The following SLC8A1 variants were observed in gnomAD, a reference collection of about 807,000 sequenced individuals.
SLC8A1 encodes the protein solute carrier family 8 member A1, also known as sodium/calcium exchanger 1.
In SLC8A1, 18 loss-of-function variants were observed where a neutral mutation model predicts 68.3. The observed-to-expected ratio is 0.26, with a 90% CI of 0.18 to 0.39. The LOEUF (loss-of-function observed/expected upper bound fraction) is 0.39, where lower values mean the gene tolerates loss of function less well. Among genes scored for constraint, SLC8A1 ranks in the 10% least tolerant of loss-of-function variants. The pLI is 1.00. For missense variants in SLC8A1, 985 were observed against 1,156.7 expected (o/e 0.85, Z 2.15); for synonymous variants, 475 against 415.5 (o/e 1.14, Z -1.74).
chr2:40,420,241 T>C (rs1345357618), intron 2 of SLC8A1, among the ~76,000 whole-genome samples: 1 of 152,106 alleles, frequency 6.6e-6, no homozygotes, highest in Admixed American at 6.6e-5. Context: ...ATTCTTACTA[T>C]TAACCACCTC....
intron 1 of SLC8A1, among the ~76,000 whole-genome samples, chr2:40,501,651 A>G (rs1374917739): frequency 6.6e-6 from 1 of 152,086 alleles, no homozygotes; most frequent in Non-Finnish European, 1.5e-5. Flanking sequence ...AAATATACTA[A>G]GGAAGATAAA....
chr2:40,351,832 T>C (rs550122936), intron 2 of SLC8A1, among the ~76,000 whole-genome samples: 130 of 152,250 alleles, frequency 8.5e-4, no homozygotes, highest in African/African-American at 3.0e-3. Flanking sequence ...ACCAACAAAT[T>C]GAAGGGACTC....
exon 8 of SLC8A1, chr2:40,106,462 A>G (rs2034205651): frequency 2.0e-5 from 3 of 151,884 alleles, no homozygotes. Flanking sequence ...TTGATAAGAA[A>G]GGTTCTCATA....
At chr2:40,273,864 CT>C (rs200112318) in intron 2 of SLC8A1, among the ~76,000 whole-genome samples, 23,220 of 136,590 alleles carry the variant, frequency 0.17, 2,209 homozygotes, top group Non-Finnish European at 0.24. Flanking sequence ...ATGCCAAGTC[CT>C]TTTTTTTTTT....
intron 1 of SLC8A1, among the ~76,000 whole-genome samples, chr2:40,444,929 T>G (rs1701167693): frequency 6.6e-6 from 1 of 152,202 alleles, no homozygotes. Flanking sequence ...CCATTTTGCG[T>G]GTACTTATCT....
At chr2:40,387,410 C>T (rs979875494) in intron 2 of SLC8A1, among the ~76,000 whole-genome samples, 2 of 151,268 alleles carry the variant, frequency 1.3e-5, no homozygotes, top group African/African-American at 2.5e-5. Context: ...AATGAACTGG[C>T]TAAAGTTTCC....
At chr2:40,319,882 A>C (rs1173121811) in intron 2 of SLC8A1, among the ~76,000 whole-genome samples, 11 of 152,096 alleles carry the variant, frequency 7.2e-5, no homozygotes, top group Admixed American at 7.2e-4. Context: ...TTCTGTGGAG[A>C]GAGCTTACCA....
intron 7 of SLC8A1, among the ~76,000 whole-genome samples, chr2:40,134,217 G>C (rs1020636701): frequency 4.6e-5 from 7 of 151,732 alleles, no homozygotes; most frequent in Admixed American, 4.6e-4. Flanking sequence ...TCAGCCTCCC[G>C]AACAGCTGGG....
chr2:40,175,570 T>C (rs2048334221), intron 3 of SLC8A1, among the ~76,000 whole-genome samples: 1 of 152,080 alleles, frequency 6.6e-6, no homozygotes, highest in African/African-American at 2.4e-5. Flanking sequence ...TAATAAGACA[T>C]TGCTAGTATA....
At chr2:40,370,131 C>A (rs1410076328) in intron 2 of SLC8A1, among the ~76,000 whole-genome samples, 2 of 152,098 alleles carry the variant, frequency 1.3e-5, no homozygotes, top group South Asian at 2.1e-4. Context: ...AGATTCAACA[C>A]ACAATACCAG....
intron 4 of SLC8A1, among the ~76,000 whole-genome samples, chr2:40,165,945 C>G (rs1417788334): frequency 6.6e-6 from 1 of 152,152 alleles, no homozygotes; most frequent in Non-Finnish European, 1.5e-5. Context: ...CAAGCTACTT[C>G]TTCTCAGATT....
At chr2:40,498,681 G>A (rs1335662456) in intron 1 of SLC8A1, among the ~76,000 whole-genome samples, 3 of 152,108 alleles carry the variant, frequency 2.0e-5, no homozygotes, top group Admixed American at 2.0e-4. Context: ...AGTGGGTGAT[G>A]TGCTGCAAGG....
chr2:40,145,445 G>A (rs12464866), intron 6 of SLC8A1, among the ~76,000 whole-genome samples: 25,245 of 152,100 alleles, frequency 0.17, 2,270 homozygotes, highest in Middle Eastern at 0.31. Flanking sequence ...TATGTAAAGC[G>A]GTCTGGAAAA....
At chr2:40,244,444 T>C (rs1453419099) in intron 2 of SLC8A1, among the ~76,000 whole-genome samples, 1 of 151,996 alleles carries the variant, frequency 6.6e-6, no homozygotes, top group East Asian at 1.9e-4. Context: ...TCCTGTATAA[T>C]GTCACCCCAG....
intron 2 of SLC8A1, among the ~76,000 whole-genome samples, chr2:40,388,942 A>G (rs1164060687): frequency 6.6e-6 from 1 of 152,184 alleles, no homozygotes; most frequent in African/African-American, 2.4e-5. Flanking sequence ...TAGGGAACAA[A>G]GGATAACATA....
chr2:40,429,563 A>T, exon 2 of SLC8A1: 3 of 1,613,734 alleles, frequency 1.9e-6, no homozygotes, highest in Non-Finnish European at 2.5e-6. Flanking sequence ...GGAAAGAAGA[A>T]GAAAGTAAGC....
At chr2:40,192,030 T>A (rs1208529246) in intron 2 of SLC8A1, among the ~76,000 whole-genome samples, 1 of 152,148 alleles carries the variant, frequency 6.6e-6, no homozygotes, top group Non-Finnish European at 1.5e-5. Context: ...CATTTCAATT[T>A]AAATATACAA....
chr2:40,222,901 C>A (rs367855953), intron 2 of SLC8A1, among the ~76,000 whole-genome samples: 80 of 152,172 alleles, frequency 5.3e-4, no homozygotes, highest in African/African-American at 1.7e-3. Flanking sequence ...GAAATAGGAA[C>A]CCTTTTACAC....
At chr2:40,254,819 C>T (rs536072710) in intron 2 of SLC8A1, 1 of 152,300 alleles carries the variant, frequency 6.6e-6, no homozygotes, top group Admixed American at 6.5e-5. Context: ...TTAACATCTT[C>T]CTTTGAGCAC....
Sources: allele counts gnomAD v4.1 joint callset (sites outside exome capture counted in the v4.1 genomes callset), GRCh38; gene constraint gnomAD v4.1.1; transcripts MANE v1.5; gene names NCBI Gene and HGNC (gene_info 2026-07-23, HGNC 2026-07-21).